MTG2: variants seen among roughly 807,000 people sequenced by gnomAD.
The protein encoded by MTG2 is mitochondrial ribosome associated GTPase 2.
A neutral mutation model predicts 28.6 loss-of-function variants in MTG2; 23 were observed. The observed-to-expected ratio is 0.80, with a 90% CI of 0.58 to 1.14. The LOEUF is 1.14. Among genes scored for constraint, MTG2 ranks in the 50% most tolerant of loss-of-function variants. The pLI, the probability that MTG2 is intolerant of heterozygous loss-of-function variation, is 0.00. For synonymous variants in MTG2, 260 were observed against 251.8 expected (o/e 1.03, Z -0.31); for missense variants, 539 against 552.0 (o/e 0.98, Z 0.24).
rs368976452 is a variant in MTG2 at position 62,200,979 on chromosome 20, G to A, written c.1123G>A (p.Gly375Ser). Residue 375 changes from glycine to serine, a missense_variant, in exon 7 of 7, where the codon GGC (glycine) becomes AGC (serine). Gly to Ser is a moderately conservative substitution (Grantham distance 56, BLOSUM62 0). Transcript: ENST00000370823. Reference protein sequence around the residue: ...QEVIVLSALTGENLEQLLLHL... With the variant: ...QEVIVLSALTSENLEQLLLHL... ...GGTCATCGTGCTGTCGGCGTTGACC[G>A]GCGAGAACCTGGAGCAGCTGCTGTT... 1.9e-6 allele frequency: 3 copies of A among 1,613,780 alleles called. No homozygotes were observed. The highest frequency in any genetic ancestry group is 2.2e-5 in the East Asian group (1 of 44,896).
At chr20:62,184,809 A>G (rs2057807180) in intron 1 of MTG2, among the ~76,000 whole-genome samples, 1 of 152,180 alleles carries the variant, frequency 6.6e-6, no homozygotes, top group Non-Finnish European at 1.5e-5. Context: ...TTAGGAATAC[A>G]TTTAAAAGTG....
intron 3 of MTG2, 38 bp from the exon 4 acceptor site, chr20:62,197,814 G>A (rs760863425): frequency 2.5e-5 from 39 of 1,587,920 alleles, no homozygotes; most frequent in East Asian, 4.5e-5. Flanking sequence ...CATGGTTGTC[G>A]TAACACAAAG....
At chr20:62,187,788 G>T (rs1055258545) in intron 1 of MTG2, among the ~76,000 whole-genome samples, 1 of 152,040 alleles carries the variant, frequency 6.6e-6, no homozygotes, top group Non-Finnish European at 1.5e-5. Flanking sequence ...GTTTTTTTCT[G>T]TTACATGTTA....
intron 2 of MTG2, 101 bp downstream of exon 2, chr20:62,193,725 T>C (rs2058006401): frequency 3.5e-6 from 4 of 1,143,054 alleles, no homozygotes; most frequent in Non-Finnish European, 4.9e-6. Context: ...TTGATGTTAG[T>C]TGATGATCTT....
chr20:62,184,171 A>T (rs1240263309), intron 1 of MTG2, among the ~76,000 whole-genome samples: 1 of 152,236 alleles, frequency 6.6e-6, no homozygotes, highest in Non-Finnish European at 1.5e-5. Flanking sequence ...AGCCTGGCCA[A>T]CATGGTGAAA....
intron 1 of MTG2, among the ~76,000 whole-genome samples, chr20:62,190,857 TAAAATATATTTACAGGAA>T (rs2057944949): frequency 6.6e-6 from 1 of 152,162 alleles, no homozygotes; most frequent in Non-Finnish European, 1.5e-5. Flanking sequence ...AGCTGTCCTG[TAAAATATATTTACAGGAA>T]GGGTATCAAG....
At chr20:62,185,893 A>C (rs909838047) in intron 1 of MTG2, among the ~76,000 whole-genome samples, 1 of 152,212 alleles carries the variant, frequency 6.6e-6, no homozygotes, top group African/African-American at 2.4e-5. Context: ...TTCATCCGGC[A>C]GGGGAGAGAG....
At chr20:62,199,288 G>T (rs188999586) in intron 6 of MTG2, 31 bp downstream of exon 6, 2 of 1,592,870 alleles carry the variant, frequency 1.3e-6, no homozygotes, top group Non-Finnish European at 1.7e-6. Context: ...CCAAAGGTTA[G>T]ATTTAAATGA....
intron 1 of MTG2, among the ~76,000 whole-genome samples, chr20:62,189,325 A>T (rs569276430): frequency 2.1e-4 from 32 of 152,006 alleles, no homozygotes; most frequent in African/African-American, 6.7e-4. Context: ...AAGAAAAAAA[A>T]GTGTCTCTTT....
At position 62,199,217 on chromosome 20, in the gene MTG2, C is replaced by T. The variant is rs138973644; in HGVS notation, c.786C>T (p.His262=). ...ACCCGTTCACCACCCTGAAGCCCCA[C>T]GTCGGGATCGTCCACTACGAAGGCC... ...ASYPFTTLKP[H]VGIVHYEGHL... is the part of the protein sequence containing the mutation. The change falls in exon 6 of 7, where the codon CAC becomes CAT. Residue 262 remains histidine (H), a synonymous_variant. Transcript: ENST00000370823. 3.1e-6 allele frequency: 5 copies of T among 1,614,168 alleles called. No individual in the cohort carries two copies. The highest frequency in any genetic ancestry group is 1.3e-5 in the African/African-American group (1 of 75,064).
In MTG2 at chr20:62,198,270, C is replaced by T. The variant is rs563142975; in HGVS notation, c.468+303C>T. On this transcript the variant is annotated intron_variant, in intron 4 of 6. Transcript: ENST00000370823. ...CTTCCTCCGTCTCTGACCCCATGAG[C>T]CGACCTCTGACTGAGGGAGGCCACT... The T allele has an allele frequency of 5.4e-4, 279 of 517,704 alleles. 8 individuals are homozygous for T. The South Asian group carries it at 6.0e-3, about 11-fold the overall frequency. 32.1% of individuals were successfully genotyped at this position (517,704 alleles called of 1,614,324 possible). A position where few individuals can be genotyped will look rare whatever the true frequency, so the allele number is the denominator to read the frequency against.
chr20:62,191,218 T>A (rs1601089916), intron 1 of MTG2, among the ~76,000 whole-genome samples: 1 of 152,052 alleles, frequency 6.6e-6, no homozygotes, highest in East Asian at 1.9e-4. Context: ...TGAGGAACCT[T>A]CCAGCCCAAG....
rs541329387 is a variant in MTG2 at position 62,186,441 on chromosome 20, T to A, written c.-6+3384T>A. On this transcript the variant is annotated intron_variant, in intron 1 of 6. Coordinates refer to ENST00000370823, the MANE Select transcript of MTG2 (RefSeq NM_015666.4). ...ATTTTAATTTACAGTTGTTTGCGGC[T>A]GGTATTTAAGAATACAACTGATTTT... 2.0e-5 allele frequency among the ~76,000 whole-genome samples: 3 copies of A among 152,286 alleles called. No homozygotes were observed. In the South Asian group the frequency reaches 6.2e-4, roughly 32 times the overall value.
chr20:62,184,559 C>T (rs1390531116), intron 1 of MTG2, among the ~76,000 whole-genome samples: 1 of 152,160 alleles, frequency 6.6e-6, no homozygotes. Context: ...GGAGAAGAGT[C>T]ACTGGGGAGG....
chr20:62,187,893 A>G (rs2057879106), intron 1 of MTG2, among the ~76,000 whole-genome samples: 1 of 152,088 alleles, frequency 6.6e-6, no homozygotes, highest in African/African-American at 2.4e-5. Context: ...GCCTTAGGTT[A>G]CTGATTTTAG....
chr20:62,196,335 G>A (rs2058057679), intron 3 of MTG2, among the ~76,000 whole-genome samples: 1 of 150,524 alleles, frequency 6.6e-6, no homozygotes, highest in South Asian at 2.1e-4. Context: ...TTCCAGCATG[G>A]GTGACAGAGC....
chr20:62,201,384 A>C lies in MTG2; in HGVS notation c.*307A>C. 5.0e-6 allele frequency: 2 copies of C among 398,054 alleles called. No homozygotes were observed. Among genetic ancestry groups the C allele is most frequent in the Non-Finnish European group, 4.6e-6 (1 of 218,242 alleles). The allele number at this position is 398,054 out of a possible 1,614,324, so 24.7% of individuals were successfully genotyped here. ...CCATAACGGGGTGGCCCTGCCGCTG[A>C]CTCAGGTCTCCGCCATGCACGCGTG... On this transcript the variant is annotated 3_prime_UTR_variant, in exon 7 of 7. Transcript: ENST00000370823.
intron 1 of MTG2, among the ~76,000 whole-genome samples, chr20:62,192,977 C>T (rs1033058246): frequency 1.3e-5 from 2 of 152,196 alleles, no homozygotes; most frequent in African/African-American, 4.8e-5. Context: ...AGCCGCTATG[C>T]CCCATGTTTA....
At chr20:62,196,007 A>G (rs1380965431) in intron 3 of MTG2, 58 bp downstream of exon 3, 4 of 1,589,920 alleles carry the variant, frequency 2.5e-6, no homozygotes, top group Non-Finnish European at 2.6e-6. Context: ...CTGCATGTGC[A>G]TTTGAACTAA....
Sources: gnomAD v4.1 joint callset for allele counts (sites outside exome capture counted in the v4.1 genomes callset) on GRCh38, gnomAD v4.1.1 for gene constraint, MANE v1.5 for transcripts, NCBI Gene and HGNC (gene_info 2026-07-23, HGNC 2026-07-21) for gene names.